Variants in ZNF547 observed in about 807,000 individuals in gnomAD.
The protein encoded by ZNF547 is zinc finger protein 547.
A neutral mutation model predicts 7.7 loss-of-function variants in ZNF547; 4 were observed. The ratio of observed to expected loss-of-function variants is 0.52; its 90% CI spans 0.26 to 1.20. The LOEUF (loss-of-function observed/expected upper bound fraction) is 1.20. Ranked by LOEUF, ZNF547 falls within the 50% of genes most tolerant of loss-of-function variation. ZNF547 has a pLI of 0.14. For missense variants in ZNF547, 449 were observed against 485.8 expected, an observed-to-expected ratio of 0.92 and a Z score of 0.71; for synonymous variants, 166 against 166.2, an observed-to-expected ratio of 1.00 and a Z score of 0.01.
Position 57,377,267 on chromosome 19 carries a change from G to A in ZNF547, c.291G>A (p.Lys97=). The A allele has an allele frequency of 6.2e-7, 1 of 1,614,222 alleles. No homozygotes were observed. Among genetic ancestry groups the A allele is most frequent in the Middle Eastern group, 1.6e-4 (1 of 6,062 alleles). The change falls in exon 4 of 4, where the codon AAG becomes AAA. Residue 97 remains lysine, a synonymous_variant. Transcript: ENST00000282282. The stretch of plus-strand genomic sequence containing the variant: ...GTGAGACATGTAGCTCACTTCTGAA[G>A]GACATTCTGCGTCTGGCTGAGCATG... The part of the protein sequence containing the change: ...QPCETCSSLL[K]DILRLAEHDG...
Position 57,377,183 on chromosome 19 carries a change from A to G in ZNF547, c.207A>G (p.Val69=). The G allele has an allele frequency of 6.2e-7, 1 of 1,614,232 alleles. No homozygotes were observed. ...EEAPLEPGVS[V]GVSQVMAPKP... ...CACCTTTAGAGCCAGGTGTTTCTGT[A>G]GGAGTGTCACAGGTCATGGCTCCAA... Residue 69 remains valine (V), a synonymous_variant, in exon 4 of 4, where the codon GTA becomes GTG. Transcript: ENST00000282282.
In ZNF547 at chr19:57,378,060, C is replaced by G; in HGVS notation, c.1084C>G (p.Leu362Val). ...YECSECGKAFLTKSHLICHQT... is the reference protein window; with the variant it reads ...YECSECGKAFVTKSHLICHQT... ...ATGCAGTGAGTGTGGGAAGGCCTTC[C>G]TTACAAAGTCCCACCTCATTTGTCA... is the stretch of plus-strand genomic sequence containing the variant. The change falls in exon 4 of 4, where the codon CTT (leucine) becomes GTT (valine). Residue 362 changes from leucine (L) to valine (V), a missense_variant. Physicochemically the swap from Leu to Val is conservative, Grantham distance 32. Transcript: ENST00000282282. 1 of 1,613,954 alleles carries G rather than the reference C, an allele frequency of 6.2e-7. No individual in the cohort carries two copies. The highest frequency in any genetic ancestry group is 8.5e-7 in the Non-Finnish European group (1 of 1,179,982).
At chr19:57,368,429 A>T in intron 1 of ZNF547, 115 bp from the exon 2 acceptor site, 1 of 916,816 alleles carries the variant, frequency 1.1e-6, no homozygotes, top group Non-Finnish European at 1.7e-6. Context: ...CTGAGTTTAT[A>T]CAATCAACTT....
intron 3 of ZNF547, among the ~76,000 whole-genome samples, chr19:57,376,273 A>C (rs1240364965): frequency 6.6e-6 from 1 of 152,068 alleles, no homozygotes; most frequent in Non-Finnish European, 1.5e-5. Context: ...CACCCTTGAC[A>C]CGTGGGGATT....
intron 1 of ZNF547, among the ~76,000 whole-genome samples, chr19:57,366,343 G>A (rs1489149729): frequency 6.6e-6 from 1 of 150,962 alleles, no homozygotes; most frequent in African/African-American, 2.4e-5. Context: ...TCCGCCTCCA[G>A]AGTAGCTGGG....
At chr19:57,367,435 A>G (rs1334921946) in intron 1 of ZNF547, among the ~76,000 whole-genome samples, 1 of 151,716 alleles carries the variant, frequency 6.6e-6, no homozygotes, top group Non-Finnish European at 1.5e-5. Flanking sequence ...AGAAAAAAAA[A>G]AAAAAAAAAA....
intron 1 of ZNF547, chr19:57,363,988 G>C (rs1486448969): frequency 6.6e-6 from 1 of 152,318 alleles, no homozygotes; most frequent in Non-Finnish European, 1.5e-5. Context: ...TGGAATGGCA[G>C]CCTGAGCAGC....
At chr19:57,364,851 C>T (rs1048501628) in intron 1 of ZNF547, 1 of 1,609,166 alleles carries the variant, frequency 6.2e-7, no homozygotes, top group African/African-American at 1.3e-5. Context: ...GAAGCTTCTA[C>T]TTTGTAATTG....
chr19:57,370,378 C>CT (rs1444593608), intron 2 of ZNF547, among the ~76,000 whole-genome samples: 1 of 152,142 alleles, frequency 6.6e-6, no homozygotes, highest in African/African-American at 2.4e-5. Context: ...GCCCCCGGTG[C>CT]TAGGGAACTT....
At position 57,363,722 on chromosome 19, in the gene ZNF547, G is replaced by T. The variant is rs1600072798; in HGVS notation, c.-13+19G>T. ...ACCCGAGGTGGGTGCCCCGTCCCAG[G>T]CCCCCCCCCACCTCCGCCCGACCCC... On this transcript the variant is annotated intron_variant, in intron 1 of 3. Transcript: ENST00000282282. 1 of 144,400 alleles carries T rather than the reference G, an allele frequency of 6.9e-6. No individual in the cohort carries two copies. The highest frequency in any genetic ancestry group is 2.7e-5 in the African/African-American group (1 of 37,418). The allele number at this position is 144,400 out of a possible 1,614,324, so 8.9% of individuals were successfully genotyped here.
chr19:57,368,290 G>A (rs978483245), intron 1 of ZNF547: 6 of 452,300 alleles, frequency 1.3e-5, no homozygotes, highest in Admixed American at 8.0e-5. Context: ...GTTTGACACC[G>A]GTAAGAGTCC....
chr19:57,376,764 A>C lies in ZNF547; in HGVS notation c.152-364A>C, dbSNP rs545478632. Among the ~76,000 whole-genome samples, 3 of 152,306 alleles carry C rather than the reference A, an allele frequency of 2.0e-5. No individual in the cohort carries two copies. In the East Asian group the frequency reaches 5.8e-4, roughly 29 times the overall value. ...CCTGGGGAGTTTCTTCAGACCCCCAATAAAATGTATTTAATCCTAAACGAG... is the reference window on the plus strand; with the variant it reads ...CCTGGGGAGTTTCTTCAGACCCCCACTAAAATGTATTTAATCCTAAACGAG... On this transcript the variant is annotated intron_variant, in intron 3 of 3. Coordinates refer to ENST00000282282, the MANE Select transcript of ZNF547 (RefSeq NM_173631.4).
intron 1 of ZNF547, among the ~76,000 whole-genome samples, chr19:57,367,449 ATAGAG>A (rs1256902280): frequency 3.3e-5 from 5 of 151,524 alleles, no homozygotes; most frequent in Non-Finnish European, 5.9e-5. Flanking sequence ...AAAAAAAAGA[ATAGAG>A]GGTGTAGATT....
intron 1 of ZNF547, 28 bp from the exon 2 acceptor site, chr19:57,368,516 A>G (rs558359791): frequency 1.2e-6 from 2 of 1,613,622 alleles, no homozygotes; most frequent in African/African-American, 2.7e-5. Flanking sequence ...ATCGTTGCCC[A>G]TTTCTCACGG....
chr19:57,369,152 G>T (rs1014705170), intron 2 of ZNF547, among the ~76,000 whole-genome samples: 1 of 152,118 alleles, frequency 6.6e-6, no homozygotes, highest in Non-Finnish European at 1.5e-5. Flanking sequence ...GGTAATGGCA[G>T]GGAGATCTGA....
At chr19:57,373,484 C>G (rs1483747078) in intron 3 of ZNF547, among the ~76,000 whole-genome samples, 1 of 147,416 alleles carries the variant, frequency 6.8e-6, no homozygotes, top group Non-Finnish European at 1.5e-5. Context: ...ACCAATCATG[C>G]CTTCCTAACA....
intron 2 of ZNF547, among the ~76,000 whole-genome samples, chr19:57,370,225 G>A (rs576146936): frequency 3.3e-5 from 5 of 152,064 alleles, no homozygotes; most frequent in African/African-American, 9.7e-5. Context: ...AGCATAACTC[G>A]GAGGCCTCAG....
intron 2 of ZNF547, 28 bp from the exon 3 acceptor site, chr19:57,371,754 C>T (rs1458757550): frequency 3.1e-6 from 5 of 1,595,350 alleles, no homozygotes; most frequent in Admixed American, 1.8e-5. Flanking sequence ...AAAAGCTGCT[C>T]ATGTATTCAT....
At position 57,365,021 on chromosome 19, in the gene ZNF547, C is replaced by G; in HGVS notation, c.-13+1318C>G. On this transcript the variant is annotated intron_variant, in intron 1 of 3. Transcript: ENST00000282282. ...CTGTCGAACAACATGTACTTGAAAA[C>G]TGTGGACAAGTTCAACGAGTGGTTT... 5 of 1,612,474 alleles carry G rather than the reference C, an allele frequency of 3.1e-6. No individual in the cohort carries two copies. In the South Asian group the frequency reaches 3.3e-5, roughly 11 times the overall value.
Sources: allele counts gnomAD v4.1 joint callset (sites outside exome capture counted in the v4.1 genomes callset), GRCh38; gene constraint gnomAD v4.1.1; transcripts MANE v1.5; gene names NCBI Gene and HGNC (gene_info 2026-07-23, HGNC 2026-07-21).